ACBD3: variants seen among roughly 807,000 people sequenced by gnomAD.
ACBD3 encodes the protein Golgi resident protein GCP60.
A neutral mutation model predicts 66.9 loss-of-function variants in ACBD3; 30 were observed. The ratio of observed to expected loss-of-function variants is 0.45; its 90% CI spans 0.34 to 0.61. The LOEUF (loss-of-function observed/expected upper bound fraction) is 0.61, where lower values mean the gene tolerates loss of function less well. Ranked by LOEUF, ACBD3 falls within the 20% of genes least tolerant of loss-of-function variation. ACBD3 has a pLI of 0.02. For synonymous variants in ACBD3, 278 were observed against 259.8 expected, an observed-to-expected ratio of 1.07 and a Z score of -0.68; for missense variants, 544 against 664.5, an observed-to-expected ratio of 0.82 and a Z score of 1.99.
At chr1:226,162,130 G>A (rs921767173) in intron 3 of ACBD3, among the ~76,000 whole-genome samples, 4 of 152,182 alleles carry the variant, frequency 2.6e-5, no homozygotes, top group Non-Finnish European at 5.9e-5. Flanking sequence ...GACATCCTCA[G>A]GGCTTAGCAC....
At chr1:226,164,750 C>T in intron 3 of ACBD3, 39 bp downstream of exon 3, 1 of 1,587,220 alleles carries the variant, frequency 6.3e-7, no homozygotes, top group Non-Finnish European at 8.6e-7. Flanking sequence ...GTACACTGGG[C>T]TGCGCAGCAA....
chr1:226,184,360 C>G lies in ACBD3; in HGVS notation c.286+2030G>C, dbSNP rs191739572. On this transcript the variant is annotated intron_variant, in intron 1 of 7. Coordinates refer to ENST00000366812, the MANE Select transcript of ACBD3 (RefSeq NM_022735.4). ...TTTTAATTGCTACACAGCTATTTCTCCTTTTTAGTACCTGGATATTGCTTT... is the reference window on the plus strand; with the variant it reads ...TTTTAATTGCTACACAGCTATTTCTGCTTTTTAGTACCTGGATATTGCTTT... Among the ~76,000 whole-genome samples the G allele has an allele frequency of 5.4e-3, 821 of 152,286 alleles. 6 individuals carry two copies. The highest frequency in any genetic ancestry group is 8.1e-3 in the Non-Finnish European group (551 of 68,036).
Position 226,161,551 on chromosome 1 carries a change from C to A in ACBD3, c.708G>T (p.Arg236Ser), listed in dbSNP as rs149848847. ...EEERRRIEEE[R>S]LRLEQQKQQI... ...CTTACTTTTGCTGCTCCAACCGAAG[C>A]CTTTCTTCTTCTATCCGTCTCCTTT... The change falls in exon 4 of 8, where the codon AGG becomes AGT. Residue 236 changes from arginine to serine, a missense_variant. Arg to Ser is a moderately radical substitution (Grantham distance 110). Coordinates refer to ENST00000366812, the MANE Select transcript of ACBD3 (RefSeq NM_022735.4). The A allele has an allele frequency of 2.5e-6, 4 of 1,613,774 alleles. No homozygotes were observed. The highest frequency in any genetic ancestry group is 3.4e-6 in the Non-Finnish European group (4 of 1,179,992).
intron 1 of ACBD3, 144 bp downstream of exon 1, chr1:226,186,246 C>T (rs955008986): frequency 2.7e-6 from 3 of 1,121,368 alleles, no homozygotes; most frequent in Non-Finnish European, 3.5e-6. Flanking sequence ...TCGGGTACCC[C>T]CAAGGAGGGA....
intron 1 of ACBD3, among the ~76,000 whole-genome samples, chr1:226,178,594 G>A (rs200827664): frequency 3.7e-3 from 284 of 76,506 alleles, no homozygotes; most frequent in Middle Eastern, 6.9e-3. Flanking sequence ...AAAAAAAAAA[G>A]ACTATTAGGC....
rs1659642296 is a variant in ACBD3 at position 226,154,812 on chromosome 1, C to T, written c.925G>A (p.Glu309Lys). ...QQQAALQKQQ[E>K]VVVAGSSLPT... Reference sequence around the variant, plus strand: ...AAGGAAGACCCAGCCACTACTACTTCCTGTTGTTTCTGTAATGCTGCCTAC... The same window carrying T: ...AAGGAAGACCCAGCCACTACTACTTTCTGTTGTTTCTGTAATGCTGCCTAC... The change falls in exon 6 of 8, where the codon GAA becomes AAA. Residue 309 changes from glutamate to lysine, a missense_variant. This residue lies in a region of ACBD3 where 383 missense variants were observed against 462.4 expected (regional missense o/e 0.83). Coordinates refer to ENST00000366812, the MANE Select transcript of ACBD3 (RefSeq NM_022735.4). The T allele has an allele frequency of 4.4e-6, 7 of 1,607,606 alleles. No individual in the cohort carries two copies. The highest frequency in any genetic ancestry group is 1.7e-5 in the Admixed American group (1 of 59,114).
At chr1:226,149,497 G>C (rs1440463654) in intron 7 of ACBD3, among the ~76,000 whole-genome samples, 1 of 137,360 alleles carries the variant, frequency 7.3e-6, no homozygotes, top group Non-Finnish European at 1.5e-5. Flanking sequence ...AAAGTGCTGG[G>C]ATTACAGGTG....
chr1:226,162,489 A>G (rs765380495), intron 3 of ACBD3, among the ~76,000 whole-genome samples: 3 of 152,198 alleles, frequency 2.0e-5, no homozygotes, highest in Non-Finnish European at 4.4e-5. Context: ...TAATTTAAAA[A>G]AGAACGGTTA....
At chr1:226,155,386 C>T (rs149796541) in intron 5 of ACBD3, among the ~76,000 whole-genome samples, 1 of 148,104 alleles carries the variant, frequency 6.8e-6, no homozygotes, top group East Asian at 2.0e-4. Flanking sequence ...CATTGCATTC[C>T]AGCCTGAGCA....
intron 1 of ACBD3, among the ~76,000 whole-genome samples, chr1:226,169,714 AAC>A (rs1486606063): frequency 1.1e-4 from 1 of 8,716 alleles, no homozygotes; most frequent in East Asian, 3.7e-3. Context: ...TGTTTTTTAA[AAC>A]AAAAAAAAAA....
Position 226,144,992 on chromosome 1 carries a change from A to T in ACBD3, c.*1618T>A, listed in dbSNP as rs1041482735. On this transcript the variant is annotated 3_prime_UTR_variant, in exon 8 of 8. Coordinates refer to ENST00000366812, the MANE Select transcript of ACBD3 (RefSeq NM_022735.4). ...ATTTTAAATACAGTATTTTTCTCAT[A>T]AAAAAAAAATCCAGGAAGTGCCTAA... The T allele has an allele frequency of 2.8e-5, 3 of 106,858 alleles. No individual in the cohort carries two copies. Among genetic ancestry groups the T allele is most frequent in the Non-Finnish European group, 6.6e-5 (3 of 45,398 alleles). The allele number at this position is 106,858 out of a possible 1,614,324, so 6.6% of individuals were successfully genotyped here. A position where few individuals can be genotyped will look rare whatever the true frequency, so the allele number is the denominator to read the frequency against.
intron 1 of ACBD3, among the ~76,000 whole-genome samples, chr1:226,182,806 C>T (rs185619893): frequency 5.9e-5 from 9 of 152,310 alleles, no homozygotes; most frequent in South Asian, 2.1e-4. Context: ...CCACACTGTA[C>T]TGCAGTTGTC....
In ACBD3 at chr1:226,186,558, G is replaced by A. The variant is rs750874693; in HGVS notation, c.118C>T (p.Pro40Ser). Residue 40 changes from proline (P) to serine (S), a missense_variant, in exon 1 of 8, where the codon CCA becomes TCA. By Grantham distance (74) the Pro-to-Ser change is moderately conservative (BLOSUM62 -1). Transcript: ENST00000366812. ...CCGGATCCAGGTGGCGAGGGCGGTGGCAGCGGTGGCGGCAGCAGCGGGGCG... is the reference window on the plus strand; with the variant it reads ...CCGGATCCAGGTGGCGAGGGCGGTGACAGCGGTGGCGGCAGCAGCGGGGCG... ...EGAPLLPPPL[P>S]PPSPPGSGRG... is the part of the protein sequence containing the mutation. The A allele has an allele frequency of 3.7e-6, 5 of 1,360,402 alleles. No homozygotes were observed. Among genetic ancestry groups the A allele is most frequent in the Non-Finnish European group, 4.7e-6 (5 of 1,061,676 alleles). The allele number at this position is 1,360,402 out of a possible 1,614,324, so 84.3% of individuals were successfully genotyped here. A position where few individuals can be genotyped will look rare whatever the true frequency, so the allele number is the denominator to read the frequency against.
At chr1:226,183,272 T>C (rs1024297645) in intron 1 of ACBD3, among the ~76,000 whole-genome samples, 2 of 151,922 alleles carry the variant, frequency 1.3e-5, no homozygotes, top group African/African-American at 4.8e-5. Context: ...GCCTTGAGGG[T>C]TCAAGTGATT....
chr1:226,161,595 GC>G lies in ACBD3; in HGVS notation c.663del (p.Arg221SerfsTer12). 6.2e-7 allele frequency: 1 copy of G among 1,613,856 alleles called. No individual in the cohort carries two copies. The highest frequency in any genetic ancestry group is 8.5e-7 in the Non-Finnish European group (1 of 1,179,972). On this transcript the variant is annotated frameshift_variant, in exon 4 of 8. Coordinates refer to ENST00000366812, the MANE Select transcript of ACBD3 (RefSeq NM_022735.4). LOFTEE classifies it high-confidence loss of function. ...CTCCTTTCCTCTTCCTCCCGTCGAAGCCTTTCCTCTTCTTCTCTCCTACGTT... is the reference window on the plus strand; with the variant it reads ...CTCCTTTCCTCTTCCTCCCGTCGAAGCTTTCCTCTTCTTCTCTCCTACGTT... ...EEKRRREEEE[R>X]LRREEEERRR...
intron 5 of ACBD3, among the ~76,000 whole-genome samples, chr1:226,156,217 A>C (rs926875713): frequency 1.3e-5 from 2 of 152,226 alleles, no homozygotes; most frequent in African/African-American, 4.8e-5. Flanking sequence ...TTTGACTTAT[A>C]ACACTATAGA....
chr1:226,175,037 G>A (rs1312870016), intron 1 of ACBD3, among the ~76,000 whole-genome samples: 2 of 141,090 alleles, frequency 1.4e-5, no homozygotes, highest in African/African-American at 5.3e-5. Context: ...GGAGGTTACA[G>A]TGAGCCGAAA....
At chr1:226,173,999 G>A (rs1266062058) in intron 1 of ACBD3, among the ~76,000 whole-genome samples, 1 of 151,678 alleles carries the variant, frequency 6.6e-6, no homozygotes. Context: ...CCTGACATCA[G>A]GTAATCCGCC....
chr1:226,154,891 C>T (rs550569702), intron 5 of ACBD3, 58 bp from the exon 6 acceptor site: 1 of 1,490,632 alleles, frequency 6.7e-7, no homozygotes, highest in African/African-American at 1.4e-5. Flanking sequence ...AATAAGACAT[C>T]TGCCCTGGAG....
Sources: gnomAD v4.1 joint callset for allele counts (sites outside exome capture counted in the v4.1 genomes callset) on GRCh38, gnomAD v4.1.1 for gene constraint, gnomAD v4.1.1 regional missense constraint, MANE v1.5 for transcripts, NCBI Gene and HGNC (gene_info 2026-07-23, HGNC 2026-07-21) for gene names.